The following UBXN11 variants were observed in gnomAD, a reference collection of about 807,000 sequenced individuals.
UBXN11 encodes the protein UBX domain protein 11.
Under a neutral mutation model 62.8 loss-of-function variants are expected in UBXN11, and 47 were observed. The ratio of observed to expected loss-of-function variants is 0.75; its 90% CI spans 0.59 to 0.95. UBXN11 has a LOEUF of 0.95. Ranked by LOEUF, UBXN11 falls within the 40% of genes least tolerant of loss-of-function variation. The pLI is 0.00. For missense variants in UBXN11, 638 were observed against 661.7 expected (o/e 0.96, Z 0.39); for synonymous variants, 294 against 267.0 (o/e 1.10, Z -0.99).
intron 1 of UBXN11, among the ~76,000 whole-genome samples, chr1:26,312,690 G>A (rs2124681531): frequency 6.6e-6 from 1 of 151,448 alleles, no homozygotes; most frequent in East Asian, 2.0e-4. Flanking sequence ...TTAAAAGAGT[G>A]AATGAGGCTG....
intron 4 of UBXN11, 47 bp downstream of exon 4, chr1:26,300,879 C>T (rs372020812): frequency 2.5e-6 from 4 of 1,613,210 alleles, no homozygotes; most frequent in African/African-American, 1.3e-5. Flanking sequence ...GTCTCTGGGG[C>T]CCCCTCCTGC....
At chr1:26,284,602 C>T in intron 10 of UBXN11, 120 bp from the exon 11 acceptor site, 1 of 1,413,318 alleles carries the variant, frequency 7.1e-7, no homozygotes, top group Non-Finnish European at 9.3e-7. Context: ...CCCCATTTTA[C>T]ATATGAGGAA....
At chr1:26,297,793 A>G (rs920205813) in intron 5 of UBXN11, among the ~76,000 whole-genome samples, 169 bp downstream of exon 5, 3 of 152,166 alleles carry the variant, frequency 2.0e-5, no homozygotes, top group Non-Finnish European at 4.4e-5. Flanking sequence ...CTCTCGGCTC[A>G]GGTCACAGGA....
chr1:26,311,765 A>C (rs1264349609), intron 1 of UBXN11, among the ~76,000 whole-genome samples: 1 of 152,206 alleles, frequency 6.6e-6, no homozygotes, highest in Non-Finnish European at 1.5e-5. Flanking sequence ...GAGAGTGGAC[A>C]GAGTCTGCTT....
At chr1:26,312,935 C>T (rs1282154754) in intron 1 of UBXN11, among the ~76,000 whole-genome samples, 5 of 122,770 alleles carry the variant, frequency 4.1e-5, no homozygotes, top group East Asian at 4.7e-4. Context: ...ACTGAGATCC[C>T]GCCATTGCAC....
chr1:26,282,564 A>C lies in UBXN11; in HGVS notation c.1298T>G (p.Met433Arg), dbSNP rs761538125. The change falls in exon 15 of 15, where the codon ATG becomes AGG. Residue 433 changes from methionine to arginine, a missense_variant. Transcript: ENST00000374222. ...VRALLAQARV[M>R]DASAFEIFST... ...GAAGATCTCAAAGGCAGAGGCATCC[A>C]TGACCCTGGGGACCAGGCAGAGCAG... The C allele has an allele frequency of 6.2e-7, 1 of 1,601,272 alleles. No homozygotes were observed. Among genetic ancestry groups the C allele is most frequent in the East Asian group, 2.2e-5 (1 of 44,560 alleles).
intron 8 of UBXN11, among the ~76,000 whole-genome samples, chr1:26,287,418 G>A (rs920747125): frequency 6.6e-6 from 1 of 152,150 alleles, no homozygotes; most frequent in Admixed American, 6.5e-5. Context: ...GTAGATGCTG[G>A]CTGGGTACAG....
Position 26,300,950 on chromosome 1 carries a change from T to C in UBXN11, c.175A>G (p.Ile59Val), listed in dbSNP as rs1312550345. 1.2e-6 allele frequency: 2 copies of C among 1,614,194 alleles called. No homozygotes were observed. Among genetic ancestry groups the C allele is most frequent in the Non-Finnish European group, 1.7e-6 (2 of 1,180,006 alleles). ...CCTTGCCGACTCACAGGGGCACCTATGCCGCCATAGCAGGAAGGGACTGAG... is the reference window on the plus strand; with the variant it reads ...CCTTGCCGACTCACAGGGGCACCTACGCCGCCATAGCAGGAAGGGACTGAG... ...KISVPSCYGG[I>V]GAPVSRQVPA... is the part of the protein sequence containing the mutation. The change falls in exon 4 of 15, where the codon ATA becomes GTA. Residue 59 changes from isoleucine to valine, a missense_variant. Ile to Val is a conservative substitution (Grantham distance 29). Coordinates refer to ENST00000374222, the MANE Select transcript of UBXN11 (RefSeq NM_001389556.1).
chr1:26,297,059 C>T, intron 6 of UBXN11, 64 bp from the exon 7 acceptor site: 1 of 1,529,516 alleles, frequency 6.5e-7, no homozygotes, highest in Non-Finnish European at 8.9e-7. Context: ...TCACCTCTGC[C>T]CTGAGGGTCA....
At chr1:26,283,181 C>A (rs767049356) in intron 12 of UBXN11, among the ~76,000 whole-genome samples, 1 of 152,152 alleles carries the variant, frequency 6.6e-6, no homozygotes, top group African/African-American at 2.4e-5. Flanking sequence ...GAACCCCACA[C>A]AGACGATGAT....
rs1317905312 is a variant in UBXN11 at position 26,282,641 on chromosome 1, G to T, written c.1292+8C>A. ...CCCTCTGTGGCCCTGGCCCTGCCCT[G>T]CACCCACCTGGCCTGCGCTAGCAGA... On this transcript the variant is annotated splice_region_variant and intron_variant, in intron 14 of 14. Transcript: ENST00000374222. 1 of 1,613,810 alleles carries T rather than the reference G, an allele frequency of 6.2e-7. No individual in the cohort carries two copies. Among genetic ancestry groups the T allele is most frequent in the South Asian group, 1.1e-5 (1 of 91,090 alleles).
In UBXN11 at chr1:26,316,057, G is replaced by A. The variant is rs2073790900; in HGVS notation, c.-149+1990C>T. Among the ~76,000 whole-genome samples, 4 of 146,698 alleles carry A rather than the reference G, an allele frequency of 2.7e-5. No individual in the cohort carries two copies. The South Asian group carries it at 8.6e-4, about 32-fold the overall frequency. On this transcript the variant is annotated intron_variant, in intron 1 of 14. Coordinates refer to the UBXN11 transcript ENST00000374217. ...TCATTGCAGCCTGGGCCTCCCAGGTGCAAGCAATCCTCCTGCGTCAGCCCC... is the reference window on the plus strand; with the variant it reads ...TCATTGCAGCCTGGGCCTCCCAGGTACAAGCAATCCTCCTGCGTCAGCCCC...
intron 8 of UBXN11, among the ~76,000 whole-genome samples, chr1:26,293,376 T>C (rs1050382338): frequency 6.6e-6 from 1 of 152,012 alleles, no homozygotes; most frequent in African/African-American, 2.4e-5. Flanking sequence ...GACCCAAATC[T>C]GTGGGTCTAT....
chr1:26,297,084 T>G, intron 6 of UBXN11, 89 bp from the exon 7 acceptor site: 1 of 1,446,976 alleles, frequency 6.9e-7, no homozygotes, highest in East Asian at 2.5e-5. Flanking sequence ...GAGAAGCTGT[T>G]CTGGGGATCC....
upstream of UBXN11, among the ~76,000 whole-genome samples, chr1:26,311,463 A>G (rs2073743983): frequency 6.7e-6 from 1 of 148,196 alleles, no homozygotes; most frequent in South Asian, 2.1e-4. Context: ...TTTTTTTGAG[A>G]TGGAGTCTCA....
intron 8 of UBXN11, among the ~76,000 whole-genome samples, chr1:26,290,610 G>C (rs1394331531): frequency 2.0e-5 from 3 of 152,322 alleles, no homozygotes; most frequent in East Asian, 3.9e-4. Flanking sequence ...GGCAAGCCCA[G>C]GGGCAAGTCA....
chr1:26,306,842 T>TTGGGGGGGG (rs1557692136), upstream of UBXN11: 1 of 29,806 alleles, frequency 3.4e-5, no homozygotes, highest in Non-Finnish European at 6.4e-5. Context: ...GGGGGGGGGG[T>TTGGGGGGGG]GGTTCGTTCC....
chr1:26,283,985 C>T (rs1242289434), intron 12 of UBXN11, among the ~76,000 whole-genome samples, 157 bp downstream of exon 12: 1 of 152,162 alleles, frequency 6.6e-6, no homozygotes, highest in Non-Finnish European at 1.5e-5. Context: ...CCCTCACCAG[C>T]CTCACAGTTT....
intron 8 of UBXN11, among the ~76,000 whole-genome samples, chr1:26,292,961 C>G (rs1192869327): frequency 1.3e-5 from 2 of 152,108 alleles, no homozygotes; most frequent in Non-Finnish European, 2.9e-5. Flanking sequence ...AGCCAGAGCC[C>G]AGGCCTAAAC....
Sources: allele counts gnomAD v4.1 joint callset (sites outside exome capture counted in the v4.1 genomes callset), GRCh38; gene constraint gnomAD v4.1.1; transcripts MANE v1.5; gene names NCBI Gene and HGNC (gene_info 2026-07-23, HGNC 2026-07-21).